The following XKR9 variants were observed in gnomAD, a reference collection of about 807,000 sequenced individuals.
The protein encoded by XKR9 is XK-related protein 9.
Under a neutral mutation model 32.0 loss-of-function variants are expected in XKR9, and 32 were observed. The observed-to-expected ratio is 1.00, with a 90% CI of 0.76 to 1.34. The LOEUF is 1.34. Ranked by LOEUF, XKR9 falls within the 40% of genes most tolerant of loss-of-function variation. XKR9 has a pLI of 0.00. For missense variants in XKR9, 546 were observed against 429.7 expected (o/e 1.27, Z -2.39); for synonymous variants, 168 against 143.4 (o/e 1.17, Z -1.22).
the XKR9 span, among the ~76,000 whole-genome samples, chr8:70,799,344 T>A: frequency 0.12 from 17,949 of 152,204 alleles, 1,266 homozygotes; most frequent in African/African-American, 0.2. Context: ...TTATTTATTT[T>A]TTTTGAGACG....
At chr8:70,962,488 A>T in the XKR9 span, among the ~76,000 whole-genome samples, 2 of 152,114 alleles carry the variant, frequency 1.3e-5, no homozygotes, top group Admixed American at 6.5e-5. Flanking sequence ...GCATTAATTC[A>T]CTTAGGATAC....
At chr8:71,065,279 G>A in the XKR9 span, among the ~76,000 whole-genome samples, 1 of 152,080 alleles carries the variant, frequency 6.6e-6, no homozygotes, top group Admixed American at 6.5e-5. Context: ...GGTAAGAGTG[G>A]GGTTCTAATC....
intron 2 of XKR9, among the ~76,000 whole-genome samples, chr8:70,752,760 T>C (rs13279491): frequency 4.6e-5 from 7 of 152,030 alleles, no homozygotes; most frequent in Admixed American, 3.9e-4. Flanking sequence ...GGGACACATT[T>C]AAAGCAGTGT....
At chr8:70,750,027 G>A (rs1189265700) in intron 2 of XKR9, among the ~76,000 whole-genome samples, 1 of 152,144 alleles carries the variant, frequency 6.6e-6, no homozygotes, top group East Asian at 1.9e-4. Context: ...TGTGTGGTGT[G>A]TGTATGCATG....
At chr8:70,842,049 T>A in the XKR9 span, among the ~76,000 whole-genome samples, 1 of 152,336 alleles carries the variant, frequency 6.6e-6, no homozygotes, top group African/African-American at 2.4e-5. Context: ...TTCCATCTAG[T>A]TAGACAAAAT....
the XKR9 span, among the ~76,000 whole-genome samples, chr8:70,809,437 G>A: frequency 6.6e-6 from 1 of 152,220 alleles, no homozygotes; most frequent in African/African-American, 2.4e-5. Flanking sequence ...GCTCAAAGCT[G>A]GACGGAGAAT....
chr8:70,780,511 G>A (rs10103595), intron 2 of XKR9, among the ~76,000 whole-genome samples: 102,709 of 151,880 alleles, frequency 0.68, 35,239 homozygotes, highest in Admixed American at 0.74. Flanking sequence ...ATAATGTTCA[G>A]TCTTCACATA....
chr8:70,871,101 A>G, the XKR9 span, among the ~76,000 whole-genome samples: 1 of 152,176 alleles, frequency 6.6e-6, no homozygotes, highest in East Asian at 1.9e-4. Flanking sequence ...ACAGTAAAGG[A>G]ATAATGTTTC....
intron 3 of XKR9, among the ~76,000 whole-genome samples, chr8:70,687,474 A>G (rs1345135543): frequency 1.3e-5 from 2 of 151,198 alleles, no homozygotes; most frequent in Admixed American, 1.3e-4. Context: ...GGCTCAGGTG[A>G]TCTTCCCATC....
chr8:70,701,490 AGTCAGCCATCTT>A (rs1353416757), intron 3 of XKR9, among the ~76,000 whole-genome samples: 1 of 152,182 alleles, frequency 6.6e-6, no homozygotes, highest in Non-Finnish European at 1.5e-5. Flanking sequence ...AACTGCTTCT[AGTCAGCCATCTT>A]GGCCACTTCA....
the XKR9 span, among the ~76,000 whole-genome samples, chr8:70,815,622 T>C: frequency 6.6e-6 from 1 of 151,572 alleles, no homozygotes; most frequent in Non-Finnish European, 1.5e-5. Context: ...GCCTCCCGGG[T>C]TCATGCCATT....
At chr8:70,850,626 TTTCAACA>T in the XKR9 span, among the ~76,000 whole-genome samples, 1 of 151,964 alleles carries the variant, frequency 6.6e-6, no homozygotes, top group Non-Finnish European at 1.5e-5. Flanking sequence ...TGCAAGGTGG[TTTCAACA>T]TTCACAAATC....
At chr8:70,983,895 T>C in the XKR9 span, among the ~76,000 whole-genome samples, 1 of 150,092 alleles carries the variant, frequency 6.7e-6, no homozygotes, top group African/African-American at 2.5e-5. Flanking sequence ...TCGAAGCGAA[T>C]GTAATTTCTA....
downstream of XKR9, among the ~76,000 whole-genome samples, chr8:70,736,882 A>G (rs1397943762): frequency 3.3e-5 from 5 of 151,854 alleles, no homozygotes; most frequent in African/African-American, 1.2e-4. Context: ...CTTGTAGTAT[A>G]GTTTGAAGTC....
intron 4 of XKR9, among the ~76,000 whole-genome samples, chr8:70,713,227 CT>C (rs1460237132): frequency 3.3e-5 from 5 of 151,928 alleles, no homozygotes; most frequent in Non-Finnish European, 7.4e-5. Flanking sequence ...AAGAAATTAT[CT>C]AGATTGTAGT....
At chr8:70,938,951 G>A in the XKR9 span, among the ~76,000 whole-genome samples, 1 of 149,220 alleles carries the variant, frequency 6.7e-6, no homozygotes, top group Non-Finnish European at 1.5e-5. Context: ...AAAAGAGTTA[G>A]GTTTTAGGTT....
At chr8:71,018,180 C>A in the XKR9 span, among the ~76,000 whole-genome samples, 65,677 of 151,676 alleles carry the variant, frequency 0.43, 15,252 homozygotes, top group Non-Finnish European at 0.53. Context: ...AGTGGAAAAG[C>A]AAAGCAAAGA....
At chr8:70,750,100 T>C (rs1807117783) in intron 2 of XKR9, among the ~76,000 whole-genome samples, 1 of 152,196 alleles carries the variant, frequency 6.6e-6, no homozygotes, top group Non-Finnish European at 1.5e-5. Context: ...ATTTCTCTTA[T>C]TTTTTTCTGG....
chr8:71,028,904 C>CACAAAGAGAG, the XKR9 span, among the ~76,000 whole-genome samples: 1 of 88,200 alleles, frequency 1.1e-5, no homozygotes, highest in Non-Finnish European at 2.7e-5. Flanking sequence ...GAGAGACACA[C>CACAAAGAGAG]AGAAAGAGAG....
Sources: allele counts gnomAD v4.1 joint callset (sites outside exome capture counted in the v4.1 genomes callset), GRCh38; gene constraint gnomAD v4.1.1; transcripts MANE v1.5; gene names NCBI Gene and HGNC (gene_info 2026-07-23, HGNC 2026-07-21).